Variants in CUEDC1 observed in about 807,000 individuals in gnomAD.
The protein encoded by CUEDC1 is CUE domain containing 1, also known as CUE domain-containing protein 1.
Under a neutral mutation model 43.7 loss-of-function variants are expected in CUEDC1, and 30 were observed. That is an observed-to-expected ratio of 0.69 (90% CI 0.51 to 0.93). The LOEUF (loss-of-function observed/expected upper bound fraction) is 0.93, where lower values mean the gene tolerates loss of function less well. Among genes scored for constraint, CUEDC1 ranks in the 40% least tolerant of loss-of-function variants. The probability of loss-of-function intolerance (pLI) is 0.00; values close to 1 mark genes in which losing one functional copy is unlikely to be tolerated. For missense variants in CUEDC1, 486 were observed against 549.0 expected (o/e 0.89, Z 1.15); for synonymous variants, 223 against 223.6 (o/e 1.00, Z 0.02).
intron 3 of CUEDC1, among the ~76,000 whole-genome samples, chr17:57,879,059 A>C (rs1164509214): frequency 6.6e-6 from 1 of 152,186 alleles, no homozygotes. Context: ...CCAGTTATCA[A>C]ACTACCTTAA....
intron 1 of CUEDC1, among the ~76,000 whole-genome samples, chr17:57,889,652 C>T (rs1227990387): frequency 6.6e-6 from 1 of 152,202 alleles, no homozygotes; most frequent in African/African-American, 2.4e-5. Flanking sequence ...CTAGACTTTT[C>T]TATCAAAGGG....
At chr17:57,870,684 T>C (rs1229289334) in intron 6 of CUEDC1, among the ~76,000 whole-genome samples, 1 of 151,622 alleles carries the variant, frequency 6.6e-6, no homozygotes, top group Non-Finnish European at 1.5e-5. Context: ...TTCTTCTTTT[T>C]TTTTTTTTTG....
chr17:57,950,047 C>CTAA (rs1435034452), intron 1 of CUEDC1, among the ~76,000 whole-genome samples: 1 of 152,198 alleles, frequency 6.6e-6, no homozygotes, highest in African/African-American at 2.4e-5. Flanking sequence ...ATTCAACGAG[C>CTAA]TAATCCATGT....
chr17:57,932,791 G>C (rs2074821134), intron 1 of CUEDC1, among the ~76,000 whole-genome samples: 1 of 151,870 alleles, frequency 6.6e-6, no homozygotes, highest in East Asian at 1.9e-4. Context: ...GAACCCAGGA[G>C]GCAGAGGTTG....
At chr17:57,874,272 AG>A (rs2074078505) in intron 3 of CUEDC1, among the ~76,000 whole-genome samples, 1 of 152,186 alleles carries the variant, frequency 6.6e-6, no homozygotes, top group Admixed American at 6.5e-5. Context: ...GGGTAGTCTT[AG>A]GTGGGCCCCT....
At chr17:57,896,634 A>T (rs2144994053) in intron 1 of CUEDC1, among the ~76,000 whole-genome samples, 1 of 152,194 alleles carries the variant, frequency 6.6e-6, no homozygotes, top group South Asian at 2.1e-4. Flanking sequence ...AGATTCTTGT[A>T]TACCTCTAAA....
rs1174119591 is a variant in CUEDC1, at chr17:57,892,342, A to C, written c.-315-6463T>G. 1.3e-5 allele frequency among the ~76,000 whole-genome samples: 2 copies of C among 152,124 alleles called. 1 individual carries two copies. The highest frequency in any genetic ancestry group is 1.3e-4 in the Admixed American group (2 of 15,278). On this transcript the variant is annotated intron_variant, in intron 1 of 10. Transcript: ENST00000577830. ...GGGGGCAGGAGGCTAACCCCCTCCT[A>C]GATCTGACTTGACCTTCCATTCTGC...
At chr17:57,864,402 C>A (rs1489056097) in intron 10 of CUEDC1, among the ~76,000 whole-genome samples, 1 of 152,036 alleles carries the variant, frequency 6.6e-6, no homozygotes, top group African/African-American at 2.4e-5. Flanking sequence ...CGAAGAGGGT[C>A]AAGGGCAGAG....
chr17:57,893,987 G>A (rs540372596), intron 1 of CUEDC1, among the ~76,000 whole-genome samples: 21 of 152,248 alleles, frequency 1.4e-4, no homozygotes, highest in African/African-American at 4.6e-4. Context: ...CCAGCTACTC[G>A]GGAGGCTGAG....
intron 1 of CUEDC1, chr17:57,922,358 C>T (rs1354944279): frequency 6.6e-6 from 1 of 152,212 alleles, no homozygotes; most frequent in Non-Finnish European, 1.5e-5. Flanking sequence ...TCATTTGCAA[C>T]TTGTCTGTCA....
intron 1 of CUEDC1, among the ~76,000 whole-genome samples, chr17:57,951,650 G>A (rs2075008324): frequency 6.6e-6 from 1 of 152,008 alleles, no homozygotes; most frequent in South Asian, 2.1e-4. Context: ...AGTAGAGATA[G>A]GTTTCACCAT....
At chr17:57,892,117 G>C (rs2074361388) in intron 1 of CUEDC1, among the ~76,000 whole-genome samples, 1 of 152,162 alleles carries the variant, frequency 6.6e-6, no homozygotes, top group Non-Finnish European at 1.5e-5. Flanking sequence ...TCACAGCAAT[G>C]ATGGGAGGGG....
intron 1 of CUEDC1, among the ~76,000 whole-genome samples, chr17:57,936,345 T>C (rs2074861839): frequency 6.6e-6 from 1 of 152,152 alleles, no homozygotes; most frequent in South Asian, 2.1e-4. Context: ...TCTAAATAAT[T>C]CAGCCCTCCA....
rs1307621508 is a variant in CUEDC1 at position 57,861,677 on chromosome 17, A to T, written c.*1612T>A. The T allele has an allele frequency of 6.6e-6, 1 of 152,392 alleles. No homozygotes were observed. The highest frequency in any genetic ancestry group is 2.4e-5 in the African/African-American group (1 of 41,470). 9.4% of individuals were successfully genotyped at this position (152,392 alleles called of 1,614,324 possible). On this transcript the variant is annotated 3_prime_UTR_variant, in exon 11 of 11. Coordinates refer to ENST00000577830, the MANE Select transcript of CUEDC1 (RefSeq NM_001271875.2). ...AAAACCCACACATAGGAGGAAAAAA[A>T]ATAACAAAGCAACACTCAACAGACA...
At chr17:57,942,223 T>C (rs2074923008) in intron 1 of CUEDC1, among the ~76,000 whole-genome samples, 3 of 151,988 alleles carry the variant, frequency 2.0e-5, no homozygotes, top group African/African-American at 7.3e-5. Flanking sequence ...AGTGCTCACA[T>C]CTGAAGTCCT....
intron 1 of CUEDC1, among the ~76,000 whole-genome samples, chr17:57,952,552 T>A (rs1319474993): frequency 6.6e-6 from 1 of 152,110 alleles, no homozygotes; most frequent in East Asian, 1.9e-4. Flanking sequence ...AGCTCTTGCT[T>A]CCTGTAAGTG....
chr17:57,903,044 G>A (rs945065988), intron 1 of CUEDC1: 4 of 152,290 alleles, frequency 2.6e-5, no homozygotes, highest in African/African-American at 4.8e-5. Flanking sequence ...CTTCCAGGAG[G>A]GCTGGGCACT....
Position 57,861,968 on chromosome 17 carries a change from G to A in CUEDC1, c.*1321C>T, listed in dbSNP as rs1465274598. On this transcript the variant is annotated 3_prime_UTR_variant, in exon 11 of 11. Transcript: ENST00000577830. ...CGTCCCGGCCCTCCCCAAGCTCGGC[G>A]TTGCGAGTCCGGGCAGGGTGGGCGG... 1 of 152,160 alleles carries A rather than the reference G, an allele frequency of 6.6e-6. No individual in the cohort carries two copies. The highest frequency in any genetic ancestry group is 1.5e-5 in the Non-Finnish European group (1 of 68,022). The allele number at this position is 152,160 out of a possible 1,614,324, so 9.4% of individuals were successfully genotyped here.
chr17:57,869,377 T>C (rs1260958699), intron 6 of CUEDC1, among the ~76,000 whole-genome samples, 184 bp from the exon 7 acceptor site: 1 of 152,190 alleles, frequency 6.6e-6, no homozygotes, highest in African/African-American at 2.4e-5. Flanking sequence ...GGACTTTGTT[T>C]CCTCCTCTGT....
Sources: gnomAD v4.1 joint callset for allele counts (sites outside exome capture counted in the v4.1 genomes callset) on GRCh38, gnomAD v4.1.1 for gene constraint, MANE v1.5 for transcripts, NCBI Gene and HGNC (gene_info 2026-07-23, HGNC 2026-07-21) for gene names.